The following ZAP70 variants were observed in gnomAD, a reference collection of about 807,000 sequenced individuals.
The protein encoded by ZAP70 is tyrosine-protein kinase ZAP-70.
In ZAP70, 27 loss-of-function variants were observed where a neutral mutation model predicts 65.8. The observed-to-expected ratio is 0.41, with a 90% CI of 0.30 to 0.57. The LOEUF (loss-of-function observed/expected upper bound fraction) is 0.57. Ranked by LOEUF, ZAP70 falls within the 20% of genes least tolerant of loss-of-function variation. ZAP70 has a pLI of 0.28. For synonymous variants in ZAP70, 363 were observed against 360.8 expected (o/e 1.01, Z -0.07); for missense variants, 696 against 870.5 (o/e 0.80, Z 2.52).
intron 13 of ZAP70, 53 bp downstream of exon 13, chr2:97,738,160 G>A: frequency 2.7e-6 from 4 of 1,502,700 alleles, no homozygotes; most frequent in Middle Eastern, 1.8e-4. Flanking sequence ...GAAAGTCCTG[G>A]TGCCCGATGA....
chr2:97,723,435 T>C (rs1243828031), intron 2 of ZAP70, among the ~76,000 whole-genome samples: 1 of 152,268 alleles, frequency 6.6e-6, no homozygotes, highest in Non-Finnish European at 1.5e-5. Flanking sequence ...GCGCGCTTTT[T>C]GAAAAGTTGG....
the ZAP70 span, among the ~76,000 whole-genome samples, chr2:97,753,558 C>A: frequency 6.6e-6 from 1 of 152,098 alleles, no homozygotes; most frequent in African/African-American, 2.4e-5. Flanking sequence ...AGATTCTGAT[C>A]CTTTACATTA....
the ZAP70 span, among the ~76,000 whole-genome samples, chr2:97,746,474 T>C: frequency 6.6e-6 from 1 of 152,238 alleles, no homozygotes. Flanking sequence ...CCACAATTTA[T>C]AGACCTGTGT....
chr2:97,748,944 G>A, the ZAP70 span, among the ~76,000 whole-genome samples: 2 of 151,954 alleles, frequency 1.3e-5, no homozygotes, highest in African/African-American at 4.8e-5. Flanking sequence ...GGTCCGTGAC[G>A]GTTTAGTCTG....
chr2:97,735,085 C>A, intron 9 of ZAP70, 165 bp from the exon 10 acceptor site: 1 of 816,842 alleles, frequency 1.2e-6, no homozygotes, highest in Non-Finnish European at 1.9e-6. Flanking sequence ...CCTCAGCAGA[C>A]GCTCCAGGCT....
At chr2:97,717,055 G>A (rs1676946708) in intron 2 of ZAP70, among the ~76,000 whole-genome samples, 1 of 152,264 alleles carries the variant, frequency 6.6e-6, no homozygotes, top group Admixed American at 6.5e-5. Context: ...AACTGCGGCT[G>A]TGTGGCTCAT....
chr2:97,738,178 T>G, intron 13 of ZAP70, 71 bp downstream of exon 13: 1 of 1,391,200 alleles, frequency 7.2e-7, no homozygotes, highest in Non-Finnish European at 1.0e-6. Context: ...TGAGTTGATG[T>G]CAATATAACT....
At chr2:97,728,276 C>T (rs1677469055) in intron 4 of ZAP70, among the ~76,000 whole-genome samples, 1 of 152,256 alleles carries the variant, frequency 6.6e-6, no homozygotes, top group South Asian at 2.1e-4. Context: ...CAAGCGTTGG[C>T]GGTGGGAGGG....
Position 97,727,374 on chromosome 2 carries a change from A to AG in ZAP70, c.563+2125dup, listed in dbSNP as rs1677431188. On this transcript the variant is annotated intron_variant, in intron 4 of 13. Transcript: ENST00000264972. Reference sequence around the variant, plus strand: ...TCTTTCCTTTTGGACTGTCAGCCTGAGGGCAGGGCCTGCCCTGCTGCATCT... The same window carrying AG: ...TCTTTCCTTTTGGACTGTCAGCCTGAGGGGCAGGGCCTGCCCTGCTGCATCT... Among the ~76,000 whole-genome samples the AG allele has an allele frequency of 2.0e-5, 3 of 152,210 alleles. No individual in the cohort carries two copies. The South Asian group carries it at 6.2e-4, about 31-fold the overall frequency.
rs142959538 is a variant in ZAP70, at chr2:97,737,204, C to T, written c.1290-269C>T. ...TTGAGATGCCTGTGAGACCTCAGCA[C>T]GTCGAGGGTGCAGGCATAGGTCTAG... On this transcript the variant is annotated intron_variant, in intron 10 of 13. Coordinates refer to ENST00000264972, the MANE Select transcript of ZAP70 (RefSeq NM_001079.4). The surrounding 1 kb of genome is among the most constrained non-coding windows in gnomAD (Gnocchi z 5.0). Among the ~76,000 whole-genome samples, 364 of 152,148 alleles carry T rather than the reference C, an allele frequency of 2.4e-3. 1 individual carries two copies. The highest frequency in any genetic ancestry group is 4.2e-3 in the Non-Finnish European group (284 of 67,994).
chr2:97,752,159 G>A, the ZAP70 span, among the ~76,000 whole-genome samples: 1 of 152,132 alleles, frequency 6.6e-6, no homozygotes, highest in South Asian at 2.1e-4. Flanking sequence ...TATAATCCAC[G>A]GCAGAAGGCA....
chr2:97,733,307 TC>T lies in ZAP70; in HGVS notation c.804del (p.Thr269HisfsTer9). ...SASNASGAAA[P>X]TLPAHPSTLT... is the part of the protein sequence containing the mutation. ...CTTCTGCTCCCCCAGGGGCTGCTGC[TC>T]CCACACTCCCAGCCCACCCATCCAC... On this transcript the variant is annotated frameshift_variant, in exon 7 of 14. Coordinates refer to ENST00000264972, the MANE Select transcript of ZAP70 (RefSeq NM_001079.4). LOFTEE classifies it high-confidence loss of function. 1 of 1,600,572 alleles carries T rather than the reference TC, an allele frequency of 6.2e-7. No individual in the cohort carries two copies.
downstream of ZAP70, among the ~76,000 whole-genome samples, chr2:97,742,180 TTG>T (rs1344474113): frequency 5.3e-5 from 8 of 152,324 alleles, 1 homozygote; most frequent in South Asian, 1.5e-3. Flanking sequence ...AACATCCTCT[TTG>T]TTTCATATTT....
chr2:97,754,332 T>C, the ZAP70 span, among the ~76,000 whole-genome samples: 1 of 152,310 alleles, frequency 6.6e-6, no homozygotes, highest in Non-Finnish European at 1.5e-5. Context: ...GCGATTGTTC[T>C]GATGAAGCAA....
rs1015654420 is a variant in ZAP70, at chr2:97,715,295, G to A, written c.-22+1301G>A. ...GAGACAGTTTGGGTTGTGACCCAGC[G>A]GGTGTTACTGGCATCCAGCATGTCC... On this transcript the variant is annotated intron_variant, in intron 2 of 13. Transcript: ENST00000264972. This position sits in a 1 kb window ranked among gnomAD's most constrained non-coding sequence, Gnocchi z 4.1. Among the ~76,000 whole-genome samples, 1 of 152,194 alleles carries A rather than the reference G, an allele frequency of 6.6e-6. No homozygotes were observed. Among genetic ancestry groups the A allele is most frequent in the East Asian group, 1.9e-4 (1 of 5,198 alleles).
chr2:97,727,416 C>T (rs1396510751), intron 4 of ZAP70, among the ~76,000 whole-genome samples: 2 of 152,234 alleles, frequency 1.3e-5, no homozygotes, highest in African/African-American at 2.4e-5. Context: ...CTCCATCTTG[C>T]AGTACATGGT....
downstream of ZAP70, among the ~76,000 whole-genome samples, chr2:97,741,340 G>A (rs1678121636): frequency 6.6e-6 from 1 of 152,184 alleles, no homozygotes; most frequent in African/African-American, 2.4e-5. Flanking sequence ...GCGCCCACGC[G>A]GACTCCCCTC....
intron 2 of ZAP70, among the ~76,000 whole-genome samples, chr2:97,717,291 G>A (rs1393099489): frequency 1.3e-5 from 2 of 151,978 alleles, no homozygotes; most frequent in South Asian, 2.1e-4. Flanking sequence ...TGAGGGGCTG[G>A]GGCCCTGCTC....
In ZAP70 at chr2:97,724,277, G is replaced by T. The variant is rs867541716; in HGVS notation, c.241G>T (p.Ala81Ser). 1.2e-6 allele frequency: 2 copies of T among 1,602,546 alleles called. No individual in the cohort carries two copies. The highest frequency in any genetic ancestry group is 1.7e-6 in the Non-Finnish European group (2 of 1,177,406). ...CGGCGGCAAAGCGCACTGTGGACCG[G>T]CAGAGCTCTGCGAGTTCTACTCGCG... ...IAGGKAHCGP[A>S]ELCEFYSRDP... Residue 81 changes from alanine to serine, a missense_variant, in exon 3 of 14, where the codon GCA becomes TCA. This residue lies in a region of ZAP70 where 551 missense variants were observed against 630.0 expected (regional missense o/e 0.87). Transcript: ENST00000264972.
Sources: gnomAD v4.1 joint callset for allele counts (sites outside exome capture counted in the v4.1 genomes callset) on GRCh38, gnomAD v4.1.1 for gene constraint, gnomAD v4.1.1 regional missense constraint, Gnocchi (gnomAD v3.1) non-coding constraint, MANE v1.5 for transcripts, NCBI Gene and HGNC (gene_info 2026-07-23, HGNC 2026-07-21) for gene names.